SNX14: variants seen among roughly 807,000 people sequenced by gnomAD.
The protein encoded by SNX14 is sorting nexin-14.
SNX14 carries 93 observed loss-of-function variants against 133.8 expected under a neutral mutation model. That is an observed-to-expected ratio of 0.70 (90% CI 0.59 to 0.83). The LOEUF is 0.83. Among genes scored for constraint, SNX14 ranks in the 40% least tolerant of loss-of-function variants. The pLI is 0.00. For missense variants in SNX14, 945 were observed against 1,094.9 expected, an observed-to-expected ratio of 0.86 and a Z score of 1.93; for synonymous variants, 368 against 365.6, an observed-to-expected ratio of 1.01 and a Z score of -0.07.
rs1309847131 is a variant in SNX14 at position 85,517,811 on chromosome 6, T to A, written c.2213A>T (p.Lys738Ile). ...AATGGTCAGTTCTGGTCTACTTGGTTTAGGCTTTGGAGACTCACAAGAATT... is the reference window on the plus strand; with the variant it reads ...AATGGTCAGTTCTGGTCTACTTGGTATAGGCTTTGGAGACTCACAAGAATT... ...FINSCESPKPKPSRPELTILS... is the reference protein window; with the variant it reads ...FINSCESPKPIPSRPELTILS... The change falls in exon 23 of 29, where the codon AAA (lysine) becomes ATA (isoleucine). Residue 738 changes from lysine to isoleucine, a missense_variant. By Grantham distance (102) the Lys-to-Ile change is moderately radical (BLOSUM62 -3). Around this residue, in one of 3 missense-constraint regions of SNX14, gnomAD observed 412 missense variants for 516.6 expected, o/e 0.80. Coordinates refer to ENST00000314673, the MANE Select transcript of SNX14 (RefSeq NM_153816.6). 2 of 1,612,082 alleles carry A rather than the reference T, an allele frequency of 1.2e-6. No individual in the cohort carries two copies. Among genetic ancestry groups the A allele is most frequent in the African/African-American group, 2.7e-5 (2 of 74,844 alleles).
Position 85,517,998 on chromosome 6 carries a change from A to T in SNX14, c.2148+10T>A, listed in dbSNP as rs1775645172. The T allele has an allele frequency of 2.5e-6, 4 of 1,601,568 alleles. No homozygotes were observed. In the South Asian group the frequency reaches 4.5e-5, roughly 18 times the overall value. On this transcript the variant is annotated intron_variant, in intron 22 of 28. Transcript: ENST00000314673. ...TCATGTTATAGAACACACATAAATC[A>T]GTTACTCACCTCTTTCATTAGTTTT...
chr6:85,555,578 A>G (rs777839454), intron 7 of SNX14, among the ~76,000 whole-genome samples: 3 of 152,242 alleles, frequency 2.0e-5, no homozygotes, highest in Non-Finnish European at 4.4e-5. Flanking sequence ...GGAAAGAAGG[A>G]TGAACAGAGA....
intron 6 of SNX14, among the ~76,000 whole-genome samples, chr6:85,559,316 T>C (rs1055409862): frequency 1.3e-5 from 2 of 152,228 alleles, no homozygotes; most frequent in African/African-American, 4.8e-5. Flanking sequence ...TACTCTCATA[T>C]TTATCAAATA....
chr6:85,526,188 A>C lies in SNX14; in HGVS notation c.2045T>G (p.Phe682Cys). 1.2e-6 allele frequency: 2 copies of C among 1,608,666 alleles called. No individual in the cohort carries two copies. The highest frequency in any genetic ancestry group is 1.7e-6 in the Non-Finnish European group (2 of 1,177,590). The change falls in exon 21 of 29, where the codon TTT becomes TGT. Residue 682 changes from phenylalanine (F) to cysteine (C), a missense_variant. Around this residue, in one of 3 missense-constraint regions of SNX14, gnomAD observed 412 missense variants for 516.6 expected, o/e 0.80. Transcript: ENST00000314673. ...TGTTTCCCCACCATTAGGGGAAAGA[A>C]AGTCTGCCAGAAGTTGACTATTACT... ...ELSNSQLLAD[F>C]LSPNGGETQF...
intron 18 of SNX14, among the ~76,000 whole-genome samples, chr6:85,531,628 T>C (rs1780332631): frequency 6.6e-6 from 1 of 152,206 alleles, no homozygotes; most frequent in Admixed American, 6.5e-5. Context: ...AAAATCAATA[T>C]ACTAAATGAT....
At chr6:85,565,234 T>G in intron 6 of SNX14, 98 bp downstream of exon 6, 2 of 668,020 alleles carry the variant, frequency 3.0e-6, no homozygotes, top group Non-Finnish European at 5.1e-6. Flanking sequence ...ACCCCACAAA[T>G]ATGTACATTT....
chr6:85,543,441 T>C (rs1380823181), intron 13 of SNX14, 135 bp from the exon 14 acceptor site: 28 of 1,053,126 alleles, frequency 2.7e-5, no homozygotes, highest in Non-Finnish European at 3.6e-5. Flanking sequence ...TTCTGACAAA[T>C]ACATAAAGTA....
intron 23 of SNX14, among the ~76,000 whole-genome samples, chr6:85,516,595 T>C (rs998133015): frequency 1.3e-5 from 2 of 149,644 alleles, no homozygotes; most frequent in Non-Finnish European, 2.9e-5. Flanking sequence ...TTATAGGCTA[T>C]ATTCTACCCA....
chr6:85,539,521 T>C (rs1782966773), intron 15 of SNX14, among the ~76,000 whole-genome samples: 1 of 152,214 alleles, frequency 6.6e-6, no homozygotes, highest in Non-Finnish European at 1.5e-5. Flanking sequence ...AGAATTTTAC[T>C]TTGAAAATAT....
intron 21 of SNX14, among the ~76,000 whole-genome samples, chr6:85,524,526 A>T (rs1266602606): frequency 6.6e-6 from 1 of 152,202 alleles, no homozygotes; most frequent in African/African-American, 2.4e-5. Flanking sequence ...TCACGCCTGT[A>T]ATCTCAGCAC....
At chr6:85,519,804 G>T (rs557643086) in intron 21 of SNX14, among the ~76,000 whole-genome samples, 1 of 152,224 alleles carries the variant, frequency 6.6e-6, no homozygotes, top group South Asian at 2.1e-4. Context: ...GGGAGATGGA[G>T]GTTGCAGTGA....
At chr6:85,572,058 T>C (rs574684412) in intron 4 of SNX14, 79 bp downstream of exon 4, 1 of 1,237,520 alleles carries the variant, frequency 8.1e-7, no homozygotes, top group African/African-American at 1.5e-5. Context: ...CATGATTAAA[T>C]TTTTTGATTA....
At chr6:85,516,739 G>A (rs1775161030) in intron 23 of SNX14, among the ~76,000 whole-genome samples, 1 of 147,888 alleles carries the variant, frequency 6.8e-6, no homozygotes, top group Non-Finnish European at 1.5e-5. Flanking sequence ...CCAGGTTCAA[G>A]CGACTCTCCT....
At position 85,514,092 on chromosome 6, in the gene SNX14, G is replaced by C; in HGVS notation, c.2535C>G (p.Val845=). ...LEQLFQEHRL[V]SLITLLRDAI... ...AACCTCTGAGAAGTGTTATGAGTGA[G>C]ACCAAACGGTGCTCCTGAAATAGCT... Residue 845 remains valine, a synonymous_variant, in exon 25 of 29, where the codon GTC becomes GTG. Transcript: ENST00000314673. The C allele has an allele frequency of 6.2e-7, 1 of 1,613,364 alleles. No homozygotes were observed. Among genetic ancestry groups the C allele is most frequent in the Non-Finnish European group, 8.5e-7 (1 of 1,179,750 alleles).
chr6:85,537,081 T>C lies in SNX14; in HGVS notation c.1476-157A>G, dbSNP rs1184801013. The C allele has an allele frequency of 5.1e-6, 3 of 589,978 alleles. No individual in the cohort carries two copies. In the African/African-American group the frequency reaches 5.6e-5, roughly 11 times the overall value. 36.5% of individuals were successfully genotyped at this position (589,978 alleles called of 1,614,324 possible). ...TTGGAGTTTTCATACACGGATTAAG[T>C]ATCAACATCTCAGAAGTCAAAAATG... On this transcript the variant is annotated intron_variant, in intron 16 of 28. Coordinates refer to ENST00000314673, the MANE Select transcript of SNX14 (RefSeq NM_153816.6).
intron 25 of SNX14, 80 bp downstream of exon 25, chr6:85,513,990 A>G: frequency 3.8e-6 from 6 of 1,560,790 alleles, no homozygotes; most frequent in South Asian, 3.6e-5. Context: ...CCAAAGCAAA[A>G]CAAGATTTCT....
At chr6:85,574,119 C>CAAA (rs34519767) in intron 2 of SNX14, 139 bp downstream of exon 2, 1,060 of 418,460 alleles carry the variant, frequency 2.5e-3, no homozygotes, top group East Asian at 3.0e-3. Flanking sequence ...CTAAAAAAAA[C>CAAA]AAAAAAAAAA....
intron 28 of SNX14, 26 bp from the exon 29 acceptor site, chr6:85,506,031 T>G: frequency 1.3e-6 from 2 of 1,487,354 alleles, no homozygotes. Flanking sequence ...ATCCATTTAA[T>G]AGAAGACAAG....
chr6:85,512,240 T>C (rs1000067114), intron 26 of SNX14, among the ~76,000 whole-genome samples: 9 of 152,198 alleles, frequency 5.9e-5, no homozygotes, highest in African/African-American at 2.2e-4. Flanking sequence ...GGTTCCCTTC[T>C]GGCCCCCTTG....
Sources: allele counts gnomAD v4.1 joint callset (sites outside exome capture counted in the v4.1 genomes callset), GRCh38; gene constraint gnomAD v4.1.1; regional missense constraint gnomAD v4.1.1; transcripts MANE v1.5; gene names NCBI Gene and HGNC (gene_info 2026-07-23, HGNC 2026-07-21).